KIRREL1: variants seen among roughly 807,000 people sequenced by gnomAD.
KIRREL1 encodes the protein kirre like nephrin family adhesion molecule 1.
KIRREL1 carries 25 observed loss-of-function variants against 83.3 expected under a neutral mutation model. The ratio of observed to expected loss-of-function variants is 0.30; its 90% confidence interval spans 0.22 to 0.42. The LOEUF is 0.42. Ranked by LOEUF, KIRREL1 falls within the 10% of genes least tolerant of loss-of-function variation. The pLI is 1.00. For missense variants in KIRREL1, 812 were observed against 1,032.3 expected (o/e 0.79, Z 2.92); for synonymous variants, 388 against 410.4 (o/e 0.95, Z 0.66).
intron 5 of KIRREL1, 71 bp downstream of exon 5, chr1:158,086,817 T>G: frequency 7.2e-7 from 1 of 1,393,298 alleles, no homozygotes; most frequent in Non-Finnish European, 9.9e-7. Context: ...AGCACACTCT[T>G]AGTTTGAGAA....
At chr1:158,039,256 C>T (rs962857199) in intron 1 of KIRREL1, among the ~76,000 whole-genome samples, 1 of 152,230 alleles carries the variant, frequency 6.6e-6, no homozygotes, top group Non-Finnish European at 1.5e-5. Context: ...AAGAGGAGCC[C>T]TGACTGCTCA....
intron 1 of KIRREL1, chr1:158,030,820 AC>A (rs929113838): frequency 1.3e-5 from 2 of 151,968 alleles, no homozygotes; most frequent in African/African-American, 2.4e-5. Flanking sequence ...CCAGCCATGC[AC>A]CCCCTCTCTG....
intron 1 of KIRREL1, among the ~76,000 whole-genome samples, chr1:158,057,723 C>T (rs1008841881): frequency 6.6e-6 from 1 of 152,218 alleles, no homozygotes; most frequent in Non-Finnish European, 1.5e-5. Flanking sequence ...CTCTTTGCAG[C>T]AGTTGGTCCC....
rs571708989 is a variant in KIRREL1, at chr1:158,065,418, G to T, written c.53-10695G>T. The stretch of plus-strand genomic sequence containing the variant: ...ATTATGGAGCCTGTAGGGAGGTGTC[G>T]TGCCCAGAGGGGATGGCTTTACTAA... On this transcript the variant is annotated intron_variant, in intron 1 of 14. Coordinates refer to ENST00000359209, the MANE Select transcript of KIRREL1 (RefSeq NM_018240.7). Among the ~76,000 whole-genome samples the T allele has an allele frequency of 2.0e-5, 3 of 152,282 alleles. No homozygotes were observed. The South Asian group carries it at 6.2e-4, about 32-fold the overall frequency.
intron 1 of KIRREL1, among the ~76,000 whole-genome samples, chr1:158,057,004 T>C (rs74120538): frequency 0.066 from 10,021 of 152,184 alleles, 1,144 homozygotes; most frequent in African/African-American, 0.23. Flanking sequence ...TCATTTATCT[T>C]TTTTTCATCT....
intron 1 of KIRREL1, among the ~76,000 whole-genome samples, chr1:158,043,245 T>C (rs1307882071): frequency 6.6e-6 from 1 of 151,656 alleles, no homozygotes. Context: ...GAAAAGAGAG[T>C]GGATGGAAAG....
At chr1:158,089,335 G>T in intron 8 of KIRREL1, 167 bp from the exon 9 acceptor site, 1 of 980,900 alleles carries the variant, frequency 1.0e-6, no homozygotes, top group Non-Finnish European at 1.5e-6. Context: ...GCCAACCTGT[G>T]TAGAGTCAGA....
chr1:158,028,630 A>G (rs4971181), intron 1 of KIRREL1, among the ~76,000 whole-genome samples: 125,690 of 152,072 alleles, frequency 0.83, 53,047 homozygotes, highest in Non-Finnish European at 0.91. Context: ...CATCTTAGGG[A>G]TTTGCTCAGT....
rs555528134 is a variant in KIRREL1, at chr1:158,007,422, G to A, written c.52+13694G>A. Reference sequence around the variant, plus strand: ...GGGTCTAATAGAATGGGGTGGGGCCGGAAGGAGGTCGCCCAGTGAGGGCTA... The same window carrying A: ...GGGTCTAATAGAATGGGGTGGGGCCAGAAGGAGGTCGCCCAGTGAGGGCTA... On this transcript the variant is annotated intron_variant, in intron 1 of 14. Transcript: ENST00000359209. Among the ~76,000 whole-genome samples the A allele has an allele frequency of 3.7e-4, 57 of 152,212 alleles. 1 individual carries two copies. The highest frequency in any genetic ancestry group is 1.7e-3 in the South Asian group (8 of 4,814).
chr1:157,996,586 C>T (rs955076617), intron 1 of KIRREL1, among the ~76,000 whole-genome samples: 5 of 152,068 alleles, frequency 3.3e-5, no homozygotes, highest in African/African-American at 1.2e-4. Flanking sequence ...TCCTAAATTC[C>T]CAGGATTCAA....
Position 158,089,648 on chromosome 1 carries a change from G to A in KIRREL1, c.1171+20G>A. On this transcript the variant is annotated intron_variant, in intron 9 of 14. Coordinates refer to ENST00000359209, the MANE Select transcript of KIRREL1 (RefSeq NM_018240.7). Reference sequence around the variant, plus strand: ...TGAACGGTGAGTGAGTGGCCTGAGAGGCAGCCGGGCCTGGGCGGGCTGGTA... The same window carrying A: ...TGAACGGTGAGTGAGTGGCCTGAGAAGCAGCCGGGCCTGGGCGGGCTGGTA... 1 of 1,613,280 alleles carries A rather than the reference G, an allele frequency of 6.2e-7. No homozygotes were observed. The highest frequency in any genetic ancestry group is 8.5e-7 in the Non-Finnish European group (1 of 1,179,336).
chr1:158,083,855 G>A (rs972041494), intron 3 of KIRREL1, among the ~76,000 whole-genome samples: 14 of 152,190 alleles, frequency 9.2e-5, no homozygotes, highest in African/African-American at 3.4e-4. Flanking sequence ...GCCAGGCACA[G>A]TGGTTCACGC....
chr1:158,073,803 G>A (rs1336631405), intron 1 of KIRREL1, among the ~76,000 whole-genome samples: 2 of 152,144 alleles, frequency 1.3e-5, no homozygotes, highest in East Asian at 1.9e-4. Context: ...CCATCTTGCC[G>A]CAGGGTCAGC....
intron 2 of KIRREL1, among the ~76,000 whole-genome samples, chr1:158,077,304 A>G (rs916699827): frequency 6.6e-6 from 1 of 152,162 alleles, no homozygotes; most frequent in Non-Finnish European, 1.5e-5. Context: ...ACTGGGAGAG[A>G]GAGTGAGATC....
chr1:158,016,782 A>T (rs1048947429), intron 1 of KIRREL1, among the ~76,000 whole-genome samples: 6 of 152,168 alleles, frequency 3.9e-5, no homozygotes, highest in African/African-American at 1.4e-4. Context: ...AGCTGACAGC[A>T]TTTCGTTGGA....
chr1:158,042,951 G>C (rs954463952), intron 1 of KIRREL1, among the ~76,000 whole-genome samples: 1 of 151,484 alleles, frequency 6.6e-6, no homozygotes, highest in Non-Finnish European at 1.5e-5. Context: ...AGCCGGGCGT[G>C]GTGGCAGGCA....
At position 158,087,823 on chromosome 1, in the gene KIRREL1, T is replaced by C. The variant is rs1314220737; in HGVS notation, c.730T>C (p.Cys244Arg). The C allele has an allele frequency of 6.2e-7, 1 of 1,613,880 alleles. No individual in the cohort carries two copies. The highest frequency in any genetic ancestry group is 1.7e-5 in the Admixed American group (1 of 59,992). The change falls in exon 6 of 15, where the codon TGC (cysteine) becomes CGC (arginine). Residue 244 changes from cysteine (C) to arginine (R), a missense_variant. Cys to Arg is a radical substitution (Grantham distance 180, BLOSUM62 -3). This residue lies in a region of KIRREL1 where 472 missense variants were observed against 626.8 expected (regional missense o/e 0.75). Coordinates refer to ENST00000359209, the MANE Select transcript of KIRREL1 (RefSeq NM_018240.7). ...GGAGGGTGAGCGTGTTGTCTTTACC[T>C]GCCAGGCCACAGCCAACCCCGAGAT... ...VQEGERVVFTCQATANPEILG... is the reference protein window; with the variant it reads ...VQEGERVVFTRQATANPEILG...
chr1:158,011,708 G>A (rs1383984848), intron 1 of KIRREL1, among the ~76,000 whole-genome samples: 2 of 152,184 alleles, frequency 1.3e-5, no homozygotes, highest in African/African-American at 4.8e-5. Flanking sequence ...GTTTTAAGGT[G>A]AAGGAGGGAA....
At chr1:158,035,020 G>T (rs1396799768) in intron 1 of KIRREL1, among the ~76,000 whole-genome samples, 1 of 107,728 alleles carries the variant, frequency 9.3e-6, no homozygotes, top group Non-Finnish European at 2.0e-5. Flanking sequence ...ATATGTGTGT[G>T]TATTTATTTT....
Sources: gnomAD v4.1 joint callset for allele counts (sites outside exome capture counted in the v4.1 genomes callset) on GRCh38, gnomAD v4.1.1 for gene constraint, gnomAD v4.1.1 regional missense constraint, MANE v1.5 for transcripts, NCBI Gene and HGNC (gene_info 2026-07-23, HGNC 2026-07-21) for gene names.